Variants in CCDC171 observed in about 807,000 individuals in gnomAD.
The protein encoded by CCDC171 is coiled-coil domain-containing protein 171.
A neutral mutation model predicts 168.2 loss-of-function variants in CCDC171; 177 were observed. The ratio of observed to expected loss-of-function variants is 1.05; its 90% CI spans 0.93 to 1.19. The LOEUF (loss-of-function observed/expected upper bound fraction) is 1.19. Ranked by LOEUF, CCDC171 falls within the 50% of genes most tolerant of loss-of-function variation. The pLI is 0.00. For synonymous variants in CCDC171, 687 were observed against 540.8 expected (o/e 1.27, Z -3.75); for missense variants, 1,991 against 1,539.0 (o/e 1.29, Z -4.91).
intron 2 of CCDC171, among the ~76,000 whole-genome samples, chr9:15,566,327 G>A (rs2039723374): frequency 6.6e-6 from 1 of 152,124 alleles, no homozygotes; most frequent in Non-Finnish European, 1.5e-5. Flanking sequence ...GGAGGCTGAG[G>A]TGGGTGGATT....
chr9:15,679,570 G>C (rs1246878085), intron 10 of CCDC171, among the ~76,000 whole-genome samples: 1 of 152,034 alleles, frequency 6.6e-6, no homozygotes, highest in Non-Finnish European at 1.5e-5. Context: ...TCTTTTTGAA[G>C]ATGAGGTTTC....
the CCDC171 span, among the ~76,000 whole-genome samples, chr9:16,084,293 T>G: frequency 1.2e-4 from 18 of 152,264 alleles, no homozygotes; most frequent in Non-Finnish European, 5.9e-5. Context: ...TCTCTCTCTG[T>G]CTTTGGCTGC....
chr9:15,831,000 C>T (rs1443130002), intron 21 of CCDC171, among the ~76,000 whole-genome samples: 15 of 116,180 alleles, frequency 1.3e-4, no homozygotes, highest in African/African-American at 3.8e-4. Context: ...GATGGATTCT[C>T]GCTCTGCCGC....
downstream of CCDC171, among the ~76,000 whole-genome samples, chr9:16,066,465 T>C (rs1480707172): frequency 2.0e-5 from 3 of 151,826 alleles, no homozygotes; most frequent in African/African-American, 4.8e-5. Flanking sequence ...CTTTTCTTTT[T>C]TTTTTTTTAT....
intron 24 of CCDC171, among the ~76,000 whole-genome samples, chr9:15,904,133 C>G (rs1423750501): frequency 1.3e-5 from 2 of 152,198 alleles, no homozygotes; most frequent in African/African-American, 4.8e-5. Context: ...CCTCCCCAAT[C>G]TAGCAAGACA....
chr9:15,936,899 T>G (rs933797963), intron 25 of CCDC171, among the ~76,000 whole-genome samples: 5 of 152,052 alleles, frequency 3.3e-5, no homozygotes, highest in African/African-American at 1.2e-4. Flanking sequence ...TGACAACTTT[T>G]TTTTTAGGTG....
the CCDC171 span, among the ~76,000 whole-genome samples, chr9:16,073,435 C>G: frequency 6.6e-6 from 1 of 152,146 alleles, no homozygotes; most frequent in South Asian, 2.1e-4. Flanking sequence ...GTTCTTGTTA[C>G]GTGGATGTAA....
chr9:15,656,102 G>A (rs1026778335), intron 7 of CCDC171, among the ~76,000 whole-genome samples: 2 of 152,086 alleles, frequency 1.3e-5, no homozygotes, highest in South Asian at 2.1e-4. Flanking sequence ...GGCAGATCAC[G>A]AGGTCAGGAG....
intron 7 of CCDC171, among the ~76,000 whole-genome samples, chr9:15,624,054 T>A (rs1222970705): frequency 6.6e-6 from 1 of 152,192 alleles, no homozygotes; most frequent in African/African-American, 2.4e-5. Flanking sequence ...TAATCTTTAT[T>A]AGGCAAATAA....
intron 4 of CCDC171, among the ~76,000 whole-genome samples, chr9:15,588,052 T>C (rs148457859): frequency 3.9e-5 from 6 of 152,082 alleles, no homozygotes; most frequent in South Asian, 4.2e-4. Context: ...CTGACTGATA[T>C]GGTGAAACCC....
chr9:15,669,448 G>A (rs987731185), intron 9 of CCDC171, among the ~76,000 whole-genome samples: 2 of 151,984 alleles, frequency 1.3e-5, no homozygotes, highest in Non-Finnish European at 2.9e-5. Flanking sequence ...ATTAACTCAG[G>A]CATTTATCAT....
upstream of CCDC171, among the ~76,000 whole-genome samples, chr9:16,039,722 T>G (rs1304884748): frequency 6.6e-6 from 1 of 152,154 alleles, no homozygotes; most frequent in Non-Finnish European, 1.5e-5. Flanking sequence ...ACCCAGAATT[T>G]GCACACATTA....
At chr9:15,624,400 G>T (rs528515959) in intron 7 of CCDC171, among the ~76,000 whole-genome samples, 1 of 152,146 alleles carries the variant, frequency 6.6e-6, no homozygotes, top group African/African-American at 2.4e-5. Context: ...TGCCATGTTG[G>T]TGTGCTGCAC....
downstream of CCDC171, among the ~76,000 whole-genome samples, chr9:15,975,904 G>A (rs1831606500): frequency 6.6e-6 from 1 of 152,106 alleles, no homozygotes; most frequent in Non-Finnish European, 1.5e-5. Context: ...GATTATCCTG[G>A]ATTAGCTGGG....
intron 23 of CCDC171, among the ~76,000 whole-genome samples, chr9:15,849,318 T>A (rs1251067245): frequency 1.3e-5 from 2 of 151,070 alleles, no homozygotes; most frequent in East Asian, 1.9e-4. Context: ...GTCCTATATA[T>A]ATATGTATAT....
intron 23 of CCDC171, among the ~76,000 whole-genome samples, chr9:15,852,963 A>C (rs77324922): frequency 0.024 from 3,608 of 151,784 alleles, 155 homozygotes; most frequent in African/African-American, 0.082. Flanking sequence ...TCTTCATATC[A>C]GTACCGTAAG....
At chr9:16,106,544 CTGTGAAT>C in the CCDC171 span, among the ~76,000 whole-genome samples, 1 of 152,180 alleles carries the variant, frequency 6.6e-6, no homozygotes, top group Admixed American at 6.5e-5. Flanking sequence ...AGCCTGTAAA[CTGTGAAT>C]TAGAAACATT....
At position 15,758,321 on chromosome 9, in the gene CCDC171, G is replaced by A. The variant is rs148732399; in HGVS notation, c.2671+12690G>A. Among the ~76,000 whole-genome samples the A allele has an allele frequency of 5.7e-3, 875 of 152,282 alleles. 12 individuals are homozygous for A. Among genetic ancestry groups the A allele is most frequent in the African/African-American group, 0.02 (844 of 41,554 alleles). On this transcript the variant is annotated intron_variant, in intron 18 of 25. Coordinates refer to ENST00000380701, the MANE Select transcript of CCDC171 (RefSeq NM_173550.4). Reference sequence around the variant, plus strand: ...AAGGAGATCATTTTGGAGCTTTAACGTTTCACTGCCCTGCTGGATTTTGGA... The same window carrying A: ...AAGGAGATCATTTTGGAGCTTTAACATTTCACTGCCCTGCTGGATTTTGGA...
chr9:15,992,464 A>T (rs890022317), intron 3 of CCDC171, among the ~76,000 whole-genome samples: 4 of 152,202 alleles, frequency 2.6e-5, no homozygotes, highest in East Asian at 1.9e-4. Context: ...AGAGCTATTT[A>T]TGACAAACCC....
Sources: gnomAD v4.1 joint callset for allele counts (sites outside exome capture counted in the v4.1 genomes callset) on GRCh38, gnomAD v4.1.1 for gene constraint, MANE v1.5 for transcripts, NCBI Gene and HGNC (gene_info 2026-07-23, HGNC 2026-07-21) for gene names.